The following CSNK1G3 variants were observed in gnomAD, a reference collection of about 807,000 sequenced individuals.
The protein encoded by CSNK1G3 is casein kinase 1 gamma 3.
A neutral mutation model predicts 64.3 loss-of-function variants in CSNK1G3; 23 were observed. The observed-to-expected ratio is 0.36, with a 90% CI of 0.26 to 0.51. The LOEUF is 0.51. Ranked by LOEUF, CSNK1G3 falls within the 20% of genes least tolerant of loss-of-function variation. CSNK1G3 has a pLI of 0.96. For missense variants in CSNK1G3, 357 were observed against 510.5 expected, an observed-to-expected ratio of 0.70 and a Z score of 2.90; for synonymous variants, 158 against 162.2, an observed-to-expected ratio of 0.97 and a Z score of 0.20.
intron 4 of CSNK1G3, among the ~76,000 whole-genome samples, chr5:123,567,734 A>G (rs754861219): frequency 4.6e-5 from 7 of 152,238 alleles, no homozygotes; most frequent in Admixed American, 1.3e-4. Context: ...AGGCTGTATT[A>G]TATTCCGTAA....
At chr5:123,598,596 A>C (rs901491838) in intron 10 of CSNK1G3, among the ~76,000 whole-genome samples, 1 of 152,138 alleles carries the variant, frequency 6.6e-6, no homozygotes, top group Non-Finnish European at 1.5e-5. Context: ...AGAAGACAAT[A>C]TGAATAAGGT....
At chr5:123,573,018 G>A (rs943553563) in intron 4 of CSNK1G3, among the ~76,000 whole-genome samples, 3 of 152,194 alleles carry the variant, frequency 2.0e-5, no homozygotes, top group Non-Finnish European at 4.4e-5. Flanking sequence ...GGTTATTAAA[G>A]CCAGTAGTGA....
At chr5:123,560,402 A>G (rs2150464854) in intron 4 of CSNK1G3, among the ~76,000 whole-genome samples, 1 of 152,368 alleles carries the variant, frequency 6.6e-6, no homozygotes, top group East Asian at 1.9e-4. Context: ...GCATGACTTC[A>G]ACAGGTAATT....
At chr5:123,570,655 C>T (rs886328570) in intron 4 of CSNK1G3, among the ~76,000 whole-genome samples, 5 of 151,960 alleles carry the variant, frequency 3.3e-5, no homozygotes, top group Admixed American at 6.6e-5. Flanking sequence ...CGCGCCCAGC[C>T]GACAGTCCTT....
intron 12 of CSNK1G3, among the ~76,000 whole-genome samples, chr5:123,609,102 G>A (rs1018110777): frequency 1.3e-5 from 2 of 152,158 alleles, no homozygotes; most frequent in African/African-American, 4.8e-5. Flanking sequence ...CATGCAGGCA[G>A]AGAATATATG....
chr5:123,513,290 A>G (rs568017523), intron 1 of CSNK1G3, among the ~76,000 whole-genome samples: 209 of 152,016 alleles, frequency 1.4e-3, no homozygotes, highest in Non-Finnish European at 2.5e-3. Context: ...CAGCCTCCAC[A>G]TTTCTTTTCA....
chr5:123,590,834 A>G (rs992175906), intron 9 of CSNK1G3, among the ~76,000 whole-genome samples: 2 of 151,990 alleles, frequency 1.3e-5, no homozygotes, highest in Non-Finnish European at 2.9e-5. Flanking sequence ...TTTTTGTGTA[A>G]TATTCTCATG....
exon 13 of CSNK1G3, chr5:123,616,679 C>G (rs183633552): frequency 6.6e-6 from 1 of 152,622 alleles, no homozygotes; most frequent in Non-Finnish European, 1.5e-5. Flanking sequence ...ATGAAGTCAA[C>G]ATTGCCTGAA....
At chr5:123,613,188 C>CTT (rs75122100) in intron 12 of CSNK1G3, among the ~76,000 whole-genome samples, 2 of 140,124 alleles carry the variant, frequency 1.4e-5, no homozygotes, top group African/African-American at 5.2e-5. Flanking sequence ...TAATTTTTTT[C>CTT]TTTTTTTTTT....
At chr5:123,572,998 C>G (rs1788431623) in intron 4 of CSNK1G3, among the ~76,000 whole-genome samples, 1 of 152,178 alleles carries the variant, frequency 6.6e-6, no homozygotes, top group South Asian at 2.1e-4. Flanking sequence ...TAGCAGTATG[C>G]CTATCACATG....
intron 4 of CSNK1G3, among the ~76,000 whole-genome samples, chr5:123,570,319 A>G (rs914900109): frequency 6.6e-6 from 1 of 151,920 alleles, no homozygotes; most frequent in Non-Finnish European, 1.5e-5. Flanking sequence ...ATTCAGAAGG[A>G]AGTAGAGAAC....
chr5:123,537,701 C>G (rs1781071629), intron 1 of CSNK1G3, among the ~76,000 whole-genome samples: 2 of 152,048 alleles, frequency 1.3e-5, no homozygotes, highest in African/African-American at 4.8e-5. Flanking sequence ...TTTTGAGATG[C>G]AATTTACATA....
chr5:123,546,291 C>T (rs1275892014), intron 2 of CSNK1G3, among the ~76,000 whole-genome samples: 1 of 151,916 alleles, frequency 6.6e-6, no homozygotes, highest in Non-Finnish European at 1.5e-5. Context: ...TTAATTTTTT[C>T]CTTTTACCCT....
At chr5:123,531,260 T>C (rs569047208) in intron 1 of CSNK1G3, among the ~76,000 whole-genome samples, 2 of 152,216 alleles carry the variant, frequency 1.3e-5, no homozygotes, top group African/African-American at 4.8e-5. Flanking sequence ...TATAGGAACT[T>C]TCAATACTTA....
intron 1 of CSNK1G3, among the ~76,000 whole-genome samples, chr5:123,513,370 C>T (rs1489918184): frequency 6.6e-6 from 1 of 151,924 alleles, no homozygotes; most frequent in Non-Finnish European, 1.5e-5. Flanking sequence ...ATGGTCATTC[C>T]CCTTCTCCCA....
chr5:123,600,231 A>G (rs939726234), intron 10 of CSNK1G3, among the ~76,000 whole-genome samples: 1 of 152,190 alleles, frequency 6.6e-6, no homozygotes, highest in Admixed American at 6.5e-5. Flanking sequence ...TATTTCTAAT[A>G]CATTATTAGA....
intron 10 of CSNK1G3, among the ~76,000 whole-genome samples, chr5:123,592,459 CTT>C (rs1172879732): frequency 5.3e-5 from 8 of 151,426 alleles, no homozygotes; most frequent in African/African-American, 9.7e-5. Context: ...TTCTCTCTCT[CTT>C]TCTCTTTTTT....
At chr5:123,588,128 G>A in exon 7 of CSNK1G3, 1 of 1,604,158 alleles carries the variant, frequency 6.2e-7, no homozygotes, top group Non-Finnish European at 8.5e-7. Context: ...TTTCTGAGAG[G>A]CAGTCTTCCT....
exon 2 of CSNK1G3, chr5:123,545,730 G>C: frequency 6.2e-7 from 1 of 1,613,598 alleles, no homozygotes; most frequent in Non-Finnish European, 8.5e-7. Flanking sequence ...TGGTCGATCG[G>C]GACACAACAC....
Sources: allele counts gnomAD v4.1 joint callset (sites outside exome capture counted in the v4.1 genomes callset), GRCh38; gene constraint gnomAD v4.1.1; transcripts MANE v1.5; gene names NCBI Gene and HGNC (gene_info 2026-07-23, HGNC 2026-07-21).